The following GSE1 variants were observed in gnomAD, a reference collection of about 807,000 sequenced individuals.
GSE1 encodes Gse1 coiled-coil protein.
In GSE1, 32 loss-of-function variants were observed where a neutral mutation model predicts 112.6. The observed-to-expected ratio is 0.28, with a 90% CI of 0.21 to 0.38. The LOEUF is 0.38. Ranked by LOEUF, GSE1 falls within the 10% of genes least tolerant of loss-of-function variation. The probability of loss-of-function intolerance (pLI) is 1.00; values close to 1 mark genes in which losing one functional copy is unlikely to be tolerated. For synonymous variants in GSE1, 1,115 were observed against 735.6 expected, an observed-to-expected ratio of 1.52 and a Z score of -8.35; for missense variants, 2,348 against 1,699.2, an observed-to-expected ratio of 1.38 and a Z score of -6.71.
At chr16:85,470,685 G>C (rs987395434) in intron 2 of GSE1, among the ~76,000 whole-genome samples, 1 of 152,236 alleles carries the variant, frequency 6.6e-6, no homozygotes, top group East Asian at 1.9e-4. Flanking sequence ...CCACAGGGGT[G>C]AGCAGGTGCG....
At chr16:85,560,959 T>C (rs1458685559) in intron 1 of GSE1, among the ~76,000 whole-genome samples, 1 of 151,956 alleles carries the variant, frequency 6.6e-6, no homozygotes, top group Non-Finnish European at 1.5e-5. Context: ...TAAGAACCCC[T>C]CTCTACAAAA....
intron 2 of GSE1, among the ~76,000 whole-genome samples, chr16:85,378,120 G>A (rs2047463701): frequency 6.6e-6 from 1 of 152,164 alleles, no homozygotes; most frequent in Non-Finnish European, 1.5e-5. Flanking sequence ...CCAGGGCTCG[G>A]GGCAGGGCCC....
At chr16:85,649,991 C>T (rs2051198460) in intron 3 of GSE1, among the ~76,000 whole-genome samples, 1 of 152,180 alleles carries the variant, frequency 6.6e-6, no homozygotes, top group Admixed American at 6.5e-5. Context: ...ACTGGGACCC[C>T]CGGGGCCTGA....
Position 85,673,011 on chromosome 16 carries a change from A to C in GSE1, c.*472A>C, listed in dbSNP as rs1020617661. 6.6e-6 allele frequency: 1 copy of C among 152,400 alleles called. No homozygotes were observed. Among genetic ancestry groups the C allele is most frequent in the Non-Finnish European group, 1.5e-5 (1 of 68,176 alleles). The allele number at this position is 152,400 out of a possible 1,614,324, so 9.4% of individuals were successfully genotyped here. A position where few individuals can be genotyped will look rare whatever the true frequency, so the allele number is the denominator to read the frequency against. ...CCAGGAGTGAAACTTGCTTCAGCTG[A>C]AAAGGTTGGGTGCATTGTCAGTAAA... is the stretch of plus-strand genomic sequence containing the variant. On this transcript the variant is annotated 3_prime_UTR_variant, in exon 16 of 16. Transcript: ENST00000253458.
intron 1 of GSE1, among the ~76,000 whole-genome samples, chr16:85,279,814 TC>T (rs2044802530): frequency 6.6e-6 from 1 of 152,016 alleles, no homozygotes; most frequent in Non-Finnish European, 1.5e-5. Flanking sequence ...TGTCTGTCCC[TC>T]CCCTGCCTGA....
chr16:85,657,832 A>G (rs2052097641), intron 8 of GSE1, among the ~76,000 whole-genome samples: 1 of 152,178 alleles, frequency 6.6e-6, no homozygotes, highest in Admixed American at 6.5e-5. Context: ...AAGTAAAGAG[A>G]CCAATCAAGT....
chr16:85,620,937 G>A (rs1462433658), intron 1 of GSE1, among the ~76,000 whole-genome samples: 1 of 150,862 alleles, frequency 6.6e-6, no homozygotes, highest in East Asian at 2.0e-4. Flanking sequence ...AGATGGTCTC[G>A]GCCATGGGTG....
intron 1 of GSE1, 55 bp from the exon 2 acceptor site, chr16:85,633,859 G>C (rs2049759383): frequency 2.8e-6 from 4 of 1,432,314 alleles, no homozygotes; most frequent in Non-Finnish European, 3.9e-6. Context: ...CCCTGCTCTG[G>C]TGCTGGGCGC....
At chr16:85,180,800 A>C (rs2074567613) in intron 1 of GSE1, among the ~76,000 whole-genome samples, 1 of 152,096 alleles carries the variant, frequency 6.6e-6, no homozygotes, top group African/African-American at 2.4e-5. Flanking sequence ...TGGGGTCAGG[A>C]AGCCTCCCTG....
chr16:85,266,512 G>T (rs974794107), intron 1 of GSE1, among the ~76,000 whole-genome samples: 1 of 152,290 alleles, frequency 6.6e-6, no homozygotes, highest in Non-Finnish European at 1.5e-5. Context: ...GGTAGCTTCT[G>T]TTGTGCCCAC....
chr16:85,227,073 A>G (rs1007827955), intron 1 of GSE1, among the ~76,000 whole-genome samples: 1 of 151,578 alleles, frequency 6.6e-6, no homozygotes, highest in Non-Finnish European at 1.5e-5. Context: ...TTATATACCC[A>G]TTACCCATCT....
chr16:85,331,875 G>T (rs1221197562), intron 1 of GSE1, among the ~76,000 whole-genome samples: 1 of 151,844 alleles, frequency 6.6e-6, no homozygotes, highest in African/African-American at 2.4e-5. Flanking sequence ...TGCTCCTGAG[G>T]GTGTGCCTCC....
At chr16:85,478,910 T>A (rs2050570803) in intron 2 of GSE1, among the ~76,000 whole-genome samples, 2 of 57,482 alleles carry the variant, frequency 3.5e-5, no homozygotes, top group South Asian at 1.1e-3. Flanking sequence ...TTTCTTTCTT[T>A]CTTTCTTTCT....
At position 85,331,363 on chromosome 16, in the gene GSE1, G is replaced by GTATATATATATATA. The variant is rs1396264079; in HGVS notation, c.2284-26099_2284-26098insATATATATATATAT. Among the ~76,000 whole-genome samples the GTATATATATATATA allele has an allele frequency of 4.4e-5, 2 of 45,436 alleles. 1 individual carries two copies. Among genetic ancestry groups the GTATATATATATATA allele is most frequent in the Non-Finnish European group, 1.1e-4 (2 of 18,352 alleles). 29.8% of individuals were successfully genotyped at this position (45,436 alleles called of 152,430 possible). ...TGTGTGTGTGTGTGTGTGTGTGTGTGTGTATATATGTATATATATGTATAT... is the reference window on the plus strand; with the variant it reads ...TGTGTGTGTGTGTGTGTGTGTGTGTGTATATATATATATATGTATATATGTATATATATGTATAT... On this transcript the variant is annotated intron_variant, in intron 1 of 2. Transcript: ENST00000637419.
At chr16:85,201,098 G>T (rs113566383) in intron 1 of GSE1, among the ~76,000 whole-genome samples, 3 of 151,978 alleles carry the variant, frequency 2.0e-5, no homozygotes, top group Non-Finnish European at 4.4e-5. Flanking sequence ...CTGGAGACAG[G>T]GTCTTGCTCT....
At chr16:85,653,521 C>T (rs527936429) in intron 3 of GSE1, among the ~76,000 whole-genome samples, 16 of 151,356 alleles carry the variant, frequency 1.1e-4, no homozygotes, top group East Asian at 4.0e-4. Context: ...CTGGAGAAGA[C>T]CCCTCATCTG....
chr16:85,286,871 T>C (rs1385081297), intron 1 of GSE1, among the ~76,000 whole-genome samples: 2 of 152,246 alleles, frequency 1.3e-5, no homozygotes, highest in African/African-American at 4.8e-5. Flanking sequence ...GCAGTTTTTT[T>C]CGTTGTCCCA....
intron 1 of GSE1, among the ~76,000 whole-genome samples, chr16:85,261,060 G>A (rs896499437): frequency 6.6e-6 from 1 of 152,328 alleles, no homozygotes; most frequent in South Asian, 2.1e-4. Context: ...TCTCTCGGGT[G>A]CTCTGGTCAC....
chr16:85,661,644 GC>G lies in GSE1; in HGVS notation c.2144del (p.Pro715GlnfsTer79). On this transcript the variant is annotated frameshift_variant, in exon 9 of 16. Transcript: ENST00000253458. LOFTEE classifies it high-confidence loss of function. ...GPLKPGSPYR[P>X]PVPRAPDPAY... ...CCCTGAAGCCTGGCTCGCCCTACCG[GC>G]CCCCAGTGCCACGGGCCCCCGACCC... 1 of 1,611,278 alleles carries G rather than the reference GC, an allele frequency of 6.2e-7. No homozygotes were observed.
Sources: gnomAD v4.1 joint callset for allele counts (sites outside exome capture counted in the v4.1 genomes callset) on GRCh38, gnomAD v4.1.1 for gene constraint, MANE v1.5 for transcripts, NCBI Gene and HGNC (gene_info 2026-07-23, HGNC 2026-07-21) for gene names.